The following SYNPO2 variants were observed in gnomAD, a reference collection of about 807,000 sequenced individuals.
The protein encoded by SYNPO2 is synaptopodin-2.
A neutral mutation model predicts 85.0 loss-of-function variants in SYNPO2; 56 were observed. The ratio of observed to expected loss-of-function variants is 0.66; its 90% CI spans 0.53 to 0.82. SYNPO2 has a LOEUF of 0.82. Among genes scored for constraint, SYNPO2 ranks in the 40% least tolerant of loss-of-function variants. The pLI is 0.00. For missense variants in SYNPO2, 1,575 were observed against 1,534.2 expected (o/e 1.03, Z -0.44); for synonymous variants, 602 against 591.1 (o/e 1.02, Z -0.27).
In SYNPO2 at chr4:118,903,996, A is replaced by G. The variant is rs559623237; in HGVS notation, c.105+14855A>G. Among the ~76,000 whole-genome samples, 8 of 152,240 alleles carry G rather than the reference A, an allele frequency of 5.3e-5. No homozygotes were observed. The East Asian group carries it at 1.4e-3, about 26-fold the overall frequency. On this transcript the variant is annotated intron_variant, in intron 1 of 4. Transcript: ENST00000307142. ...CTCCCAAAGTGCTAGGATTACAGGC[A>G]TGAGCCACCGTGCCCCGCCAATGGT...
chr4:118,984,768 T>G (rs1481611431), intron 1 of SYNPO2, among the ~76,000 whole-genome samples: 1 of 152,224 alleles, frequency 6.6e-6, no homozygotes, highest in East Asian at 1.9e-4. Flanking sequence ...AGCCTGGTTT[T>G]GTAGTTATTT....
chr4:118,860,022 C>T lies in SYNPO2; in HGVS notation c.12+9082C>T, dbSNP rs142063499. ...TTCTCAATAGTGGTTGTACTAATTG[C>T]GTTCCCACCAACAGTGTACGAGGGT... On this transcript the variant is annotated intron_variant, in intron 1 of 4. Transcript: ENST00000610556. 4.6e-5 allele frequency among the ~76,000 whole-genome samples: 7 copies of T among 152,242 alleles called. No individual in the cohort carries two copies. In the East Asian group the frequency reaches 7.7e-4, roughly 17 times the overall value.
chr4:119,049,852 A>G (rs1738979422), intron 4 of SYNPO2, among the ~76,000 whole-genome samples: 1 of 152,232 alleles, frequency 6.6e-6, no homozygotes, highest in Admixed American at 6.5e-5. Flanking sequence ...TTCATGCAGC[A>G]GAAGTGCATC....
intron 1 of SYNPO2, among the ~76,000 whole-genome samples, chr4:118,872,337 C>T (rs1292557845): frequency 6.6e-6 from 1 of 152,050 alleles, no homozygotes; most frequent in African/African-American, 2.4e-5. Flanking sequence ...AGTCACAACC[C>T]GTGGTCATAA....
intron 4 of SYNPO2, among the ~76,000 whole-genome samples, chr4:119,039,580 T>G (rs186691923): frequency 4.9e-4 from 75 of 152,240 alleles, no homozygotes; most frequent in African/African-American, 1.6e-3. Flanking sequence ...GAAGGGAAGC[T>G]CAACATTTTG....
At chr4:118,938,054 G>A (rs1030188046) in intron 1 of SYNPO2, among the ~76,000 whole-genome samples, 1 of 152,148 alleles carries the variant, frequency 6.6e-6, no homozygotes, top group Non-Finnish European at 1.5e-5. Context: ...TGTAATCCTA[G>A]CACTTTGGAA....
rs540410811 is a variant in SYNPO2, at chr4:118,962,567, A to G, written c.106-60863A>G. On this transcript the variant is annotated intron_variant, in intron 1 of 4. Coordinates refer to ENST00000307142, the MANE Select transcript of SYNPO2 (RefSeq NM_133477.3). ...GTTTTAGAATAGTCCTAAAATCCCT[A>G]ATTTTTCTAACATTTTTATTAGGAG... Among the ~76,000 whole-genome samples, 9 of 152,286 alleles carry G rather than the reference A, an allele frequency of 5.9e-5. No homozygotes were observed. In the East Asian group the frequency reaches 1.5e-3, roughly 26 times the overall value.
At chr4:118,974,268 G>A (rs1003471399) in intron 1 of SYNPO2, among the ~76,000 whole-genome samples, 1 of 152,208 alleles carries the variant, frequency 6.6e-6, no homozygotes, top group Non-Finnish European at 1.5e-5. Flanking sequence ...TGTATCTCAG[G>A]CCTTAGAGAT....
chr4:118,930,753 A>C (rs1397704145), intron 1 of SYNPO2, among the ~76,000 whole-genome samples: 3 of 27,058 alleles, frequency 1.1e-4, no homozygotes, highest in Middle Eastern at 0.033. Context: ...CATATCTACA[A>C]AAAAAAAAAA....
chr4:119,034,605 AC>A lies in SYNPO2; in HGVS notation c.3252+2580del, dbSNP rs986946636. The A allele has an allele frequency of 6.1e-6, 6 of 985,498 alleles. No homozygotes were observed. The African/African-American group carries it at 1.0e-4, about 17-fold the overall frequency. The allele number at this position is 985,498 out of a possible 1,614,324, so 61.0% of individuals were successfully genotyped here. A position where few individuals can be genotyped will look rare whatever the true frequency, so the allele number is the denominator to read the frequency against. On this transcript the variant is annotated intron_variant, in intron 4 of 4. Coordinates refer to ENST00000307142, the MANE Select transcript of SYNPO2 (RefSeq NM_133477.3). ...ACTGGCAGCATAGGTCTCATCTTGGACCATACAGTCCCACTTTATAGAAGAG... is the reference window on the plus strand; with the variant it reads ...ACTGGCAGCATAGGTCTCATCTTGGACATACAGTCCCACTTTATAGAAGAG...
chr4:118,895,708 A>G (rs1210345567), intron 1 of SYNPO2, among the ~76,000 whole-genome samples: 1 of 152,192 alleles, frequency 6.6e-6, no homozygotes, highest in Non-Finnish European at 1.5e-5. Context: ...ACTCATCCAC[A>G]GGAAATGCAA....
intron 4 of SYNPO2, among the ~76,000 whole-genome samples, chr4:119,051,467 A>G (rs1739047749): frequency 2.6e-5 from 4 of 151,902 alleles, no homozygotes; most frequent in Admixed American, 2.6e-4. Context: ...CTGGGATTAC[A>G]GGCGTGAGCC....
At chr4:118,862,491 G>T (rs1280422441) in intron 1 of SYNPO2, among the ~76,000 whole-genome samples, 2 of 152,262 alleles carry the variant, frequency 1.3e-5, no homozygotes, top group African/African-American at 2.4e-5. Context: ...TTATGTTGAG[G>T]TACATACCTC....
At chr4:118,959,011 G>T (rs781163697) in intron 1 of SYNPO2, among the ~76,000 whole-genome samples, 8 of 152,068 alleles carry the variant, frequency 5.3e-5, no homozygotes, top group South Asian at 2.1e-4. Context: ...ACCCTACATG[G>T]TATATTTCTA....
intron 1 of SYNPO2, among the ~76,000 whole-genome samples, chr4:118,974,729 A>G (rs181222728): frequency 6.6e-6 from 1 of 152,226 alleles, no homozygotes; most frequent in Admixed American, 6.5e-5. Context: ...CAGCATCACC[A>G]TTATTAGGAC....
intron 1 of SYNPO2, among the ~76,000 whole-genome samples, chr4:118,980,365 A>C (rs892064345): frequency 1.3e-5 from 2 of 152,116 alleles, no homozygotes; most frequent in African/African-American, 4.8e-5. Flanking sequence ...TCCCTTTTCT[A>C]GCTGGCTTTT....
chr4:118,945,052 C>A (rs947371778), intron 1 of SYNPO2, among the ~76,000 whole-genome samples: 3 of 152,108 alleles, frequency 2.0e-5, no homozygotes, highest in African/African-American at 7.2e-5. Context: ...TATCTTCTGG[C>A]ATTTCTGTTT....
At chr4:118,950,354 T>A (rs1390275269) in intron 1 of SYNPO2, among the ~76,000 whole-genome samples, 1 of 152,102 alleles carries the variant, frequency 6.6e-6, no homozygotes, top group Non-Finnish European at 1.5e-5. Context: ...TACTCACAGT[T>A]CCCAAGGGTA....
At chr4:118,881,575 C>A (rs1262456511) in intron 1 of SYNPO2, among the ~76,000 whole-genome samples, 1 of 152,212 alleles carries the variant, frequency 6.6e-6, no homozygotes, top group Non-Finnish European at 1.5e-5. Flanking sequence ...AAGGCAACAG[C>A]CCTGGGCTTT....
Sources: allele counts gnomAD v4.1 joint callset (sites outside exome capture counted in the v4.1 genomes callset), GRCh38; gene constraint gnomAD v4.1.1; transcripts MANE v1.5; gene names NCBI Gene and HGNC (gene_info 2026-07-23, HGNC 2026-07-21).